Variants in ZC3H4 observed in about 807,000 individuals in gnomAD.
ZC3H4 encodes the protein zinc finger CCCH-type containing 4.
A neutral mutation model predicts 108.3 loss-of-function variants in ZC3H4; 13 were observed. That is an observed-to-expected ratio of 0.12 (90% CI 0.08 to 0.19). The LOEUF (loss-of-function observed/expected upper bound fraction) is 0.19, where lower values mean the gene tolerates loss of function less well. ZC3H4 is among the 10% of genes least tolerant of loss of function. The probability of loss-of-function intolerance (pLI) is 1.00; values close to 1 mark genes in which losing one functional copy is unlikely to be tolerated. For synonymous variants in ZC3H4, 917 were observed against 749.6 expected (o/e 1.22, Z -3.65); for missense variants, 1,734 against 1,838.8 (o/e 0.94, Z 1.04).
In ZC3H4 at chr19:47,098,463, C is replaced by T. The variant is rs1392169953; in HGVS notation, c.162-3855G>A. On this transcript the variant is annotated intron_variant, in intron 2 of 14. Transcript: ENST00000253048. ...GATTGTGCCATTGCACTCCAGCTTG[C>T]GAGACAGAGTGAAACTGTGTCTCAA... Among the ~76,000 whole-genome samples the T allele has an allele frequency of 3.9e-5, 5 of 127,352 alleles. No individual in the cohort carries two copies. In the South Asian group the frequency reaches 9.6e-4, roughly 25 times the overall value. 83.5% of individuals were successfully genotyped at this position (127,352 alleles called of 152,430 possible).
chr19:47,112,032 C>T, intron 2 of ZC3H4: 1 of 776,228 alleles, frequency 1.3e-6, no homozygotes, highest in Non-Finnish European at 1.6e-6. Flanking sequence ...CCCGTAGCTG[C>T]CAGCTCCGGG....
chr19:47,072,063 G>T lies in ZC3H4; in HGVS notation c.1861C>A (p.Pro621Thr). 6.3e-7 allele frequency: 1 copy of T among 1,581,532 alleles called. No individual in the cohort carries two copies. The change falls in exon 13 of 15, where the codon CCA (proline) becomes ACA (threonine). Residue 621 changes from proline to threonine, a missense_variant. Physicochemically the swap from Pro to Thr is conservative, Grantham distance 38. This residue lies in a region of ZC3H4 where 540 missense variants were observed against 484.1 expected (regional missense o/e 1.12). Transcript: ENST00000253048. The surrounding 1 kb of genome is among the most constrained non-coding windows in gnomAD (Gnocchi z 5.6). ...TGCATTGGACCGCCCATTGGCCCTG[G>T]GGGTCCCATGTTGGGCCCAGGGCCC... ...PMGPGPNMGP[P>T]GPMGGPMHPD...
chr19:47,084,500 G>A (rs2057581370), intron 8 of ZC3H4, 45 bp from the exon 9 acceptor site: 1 of 1,594,508 alleles, frequency 6.3e-7, no homozygotes, highest in East Asian at 2.2e-5. Flanking sequence ...GAAAGGGAAG[G>A]GTAGAGATGG....
intron 2 of ZC3H4, among the ~76,000 whole-genome samples, chr19:47,098,503 A>C (rs995560432): frequency 6.7e-5 from 10 of 149,400 alleles, no homozygotes; most frequent in African/African-American, 2.2e-4. Flanking sequence ...AAAAAAAAAA[A>C]AACTAATCCC....
Position 47,112,597 on chromosome 19 carries a change from G to C in ZC3H4, c.-5-8C>G. 1.7e-6 allele frequency: 2 copies of C among 1,207,092 alleles called. No homozygotes were observed. The highest frequency in any genetic ancestry group is 2.1e-6 in the Non-Finnish European group (2 of 963,374). The allele number at this position is 1,207,092 out of a possible 1,614,324, so 74.8% of individuals were successfully genotyped here. A position where few individuals can be genotyped will look rare whatever the true frequency, so the allele number is the denominator to read the frequency against. On this transcript the variant is annotated splice_region_variant and splice_polypyrimidine_tract_variant and intron_variant, in intron 1 of 14. Coordinates refer to ENST00000253048, the MANE Select transcript of ZC3H4 (RefSeq NM_015168.2). ...GCGCGGCCTCCATAGTTCCTTTGGG[G>C]GGGAGGGGATGTTAATGCACGAAAA...
chr19:47,090,967 T>C (rs921758592), intron 4 of ZC3H4, among the ~76,000 whole-genome samples: 2 of 152,072 alleles, frequency 1.3e-5, no homozygotes, highest in African/African-American at 4.8e-5. Context: ...AAAACAGCTC[T>C]AAAAAAGAAA....
intron 2 of ZC3H4, among the ~76,000 whole-genome samples, chr19:47,096,189 C>T (rs1012640421): frequency 2.0e-5 from 3 of 152,196 alleles, no homozygotes; most frequent in Non-Finnish European, 4.4e-5. Flanking sequence ...TGGCCCAGCC[C>T]CACAGATACC....
At chr19:47,092,945 G>A (rs986776698) in intron 4 of ZC3H4, among the ~76,000 whole-genome samples, 4 of 152,050 alleles carry the variant, frequency 2.6e-5, no homozygotes, top group Admixed American at 6.5e-5. Context: ...GGCCGGGCGC[G>A]GTGGCTCACA....
At chr19:47,076,310 C>T (rs917090970) in intron 11 of ZC3H4, among the ~76,000 whole-genome samples, 3 of 90,372 alleles carry the variant, frequency 3.3e-5, no homozygotes, top group Non-Finnish European at 7.4e-5. Context: ...AACACATGCA[C>T]GCGTGCGCGC....
intron 2 of ZC3H4, among the ~76,000 whole-genome samples, chr19:47,104,550 GTAAC>G: frequency 6.6e-6 from 1 of 152,296 alleles, no homozygotes; most frequent in South Asian, 2.1e-4. Flanking sequence ...AATAGAAACA[GTAAC>G]TAATTTCCAA....
At chr19:47,107,034 G>C (rs1299735662) in intron 2 of ZC3H4, among the ~76,000 whole-genome samples, 1 of 152,174 alleles carries the variant, frequency 6.6e-6, no homozygotes, top group Non-Finnish European at 1.5e-5. Flanking sequence ...AATTGCAAAA[G>C]ATGAACACAG....
At position 47,081,769 on chromosome 19, in the gene ZC3H4, T is replaced by G. The variant is rs867106929; in HGVS notation, c.1331-147A>C. 3.5e-5 allele frequency: 25 copies of G among 709,340 alleles called. 1 individual carries two copies. The Middle Eastern group carries it at 4.4e-3, about 123-fold the overall frequency. 43.9% of individuals were successfully genotyped at this position (709,340 alleles called of 1,614,324 possible). ...AGGCGATGTGCTAAGGGCTGCTCAG[T>G]GGGTTGGCAGGAAATCCACGGAGAG... is the stretch of plus-strand genomic sequence containing the variant. On this transcript the variant is annotated intron_variant, in intron 10 of 14. Coordinates refer to ENST00000253048, the MANE Select transcript of ZC3H4 (RefSeq NM_015168.2).
In ZC3H4 at chr19:47,072,750, G is replaced by T; in HGVS notation, c.1441-37C>A. 1 of 1,609,368 alleles carries T rather than the reference G, an allele frequency of 6.2e-7. No individual in the cohort carries two copies. Among genetic ancestry groups the T allele is most frequent in the African/African-American group, 1.3e-5 (1 of 75,010 alleles). On this transcript the variant is annotated intron_variant, in intron 11 of 14. Transcript: ENST00000253048. The surrounding 1 kb of genome is among the most constrained non-coding windows in gnomAD (Gnocchi z 5.6). ...AAAGAACAAAAGAAGGTGTGGACGGGGTCAGGATGGAAACGGACCTCTCCA... is the reference window on the plus strand; with the variant it reads ...AAAGAACAAAAGAAGGTGTGGACGGTGTCAGGATGGAAACGGACCTCTCCA...
Position 47,071,987 on chromosome 19 carries a change from G to A in ZC3H4, c.1937C>T (p.Ala646Val), listed in dbSNP as rs547083009. 2.5e-6 allele frequency: 4 copies of A among 1,606,508 alleles called. No individual in the cohort carries two copies. The East Asian group carries it at 6.7e-5, about 27-fold the overall frequency. The change falls in exon 13 of 15, where the codon GCA becomes GTA. Residue 646 changes from alanine to valine, a missense_variant. Coordinates refer to ENST00000253048, the MANE Select transcript of ZC3H4 (RefSeq NM_015168.2). ...MHPDMHPDMH[A>V]DMHADMPMGP... ...CATCGGCATGTCTGCGTGCATGTCT[G>A]CGTGCATGTCAGGGTGCATGTCCGG...
At chr19:47,091,356 A>C (rs906127758) in intron 4 of ZC3H4, among the ~76,000 whole-genome samples, 8 of 152,032 alleles carry the variant, frequency 5.3e-5, no homozygotes, top group Non-Finnish European at 1.2e-4. Context: ...AGATCTCTTG[A>C]GGTCAGGAGT....
chr19:47,100,048 G>A (rs992984555), intron 2 of ZC3H4, among the ~76,000 whole-genome samples: 3 of 152,056 alleles, frequency 2.0e-5, no homozygotes, highest in Admixed American at 6.6e-5. Context: ...ACAAGGAGGC[G>A]CCGCCTCTTC....
chr19:47,087,900 G>A (rs1038493275), intron 5 of ZC3H4, among the ~76,000 whole-genome samples: 14 of 152,088 alleles, frequency 9.2e-5, no homozygotes, highest in African/African-American at 2.4e-4. Flanking sequence ...TAGGCTGGGC[G>A]CGGTGGCTCA....
intron 2 of ZC3H4, chr19:47,110,830 G>A: frequency 2.3e-6 from 2 of 860,596 alleles, no homozygotes; most frequent in Non-Finnish European, 2.8e-6. Flanking sequence ...GCGATGGGCT[G>A]CGATTCCCAG....
rs1402413318 is a variant in ZC3H4 at position 47,066,359 on chromosome 19, C to T, written c.3909G>A (p.Gln1303=). ...GFDPTASPFC[Q] The stretch of plus-strand genomic sequence containing the variant: ...GAGCCGCAGCTCTGGCTGGACACTA[C>T]TGGCAAAAGGGGGAGGCCGTGGGGT... Residue 1303 remains glutamine (Q), a synonymous_variant, in exon 15 of 15, where the codon CAG becomes CAA. Transcript: ENST00000253048. 1.3e-6 allele frequency: 2 copies of T among 1,543,366 alleles called. No homozygotes were observed. The highest frequency in any genetic ancestry group is 2.7e-5 in the African/African-American group (2 of 73,706).
Sources: allele counts gnomAD v4.1 joint callset (sites outside exome capture counted in the v4.1 genomes callset), GRCh38; gene constraint gnomAD v4.1.1; regional missense constraint gnomAD v4.1.1; non-coding constraint Gnocchi (gnomAD v3.1); transcripts MANE v1.5; gene names NCBI Gene and HGNC (gene_info 2026-07-23, HGNC 2026-07-21).